MCHR2: variants seen among roughly 807,000 people sequenced by gnomAD.
MCHR2 encodes melanin-concentrating hormone receptor 2.
MCHR2 carries 15 observed loss-of-function variants against 24.8 expected under a neutral mutation model. That is an observed-to-expected ratio of 0.60 (90% CI 0.40 to 0.93). The LOEUF is 0.93. Among genes scored for constraint, MCHR2 ranks in the 40% least tolerant of loss-of-function variants. MCHR2 has a pLI of 0.00. For synonymous variants in MCHR2, 151 were observed against 147.6 expected, an observed-to-expected ratio of 1.02 and a Z score of -0.17; for missense variants, 386 against 408.7, an observed-to-expected ratio of 0.94 and a Z score of 0.48.
intron 1 of MCHR2, among the ~76,000 whole-genome samples, chr6:99,980,961 T>C (rs1467076584): frequency 1.3e-5 from 2 of 152,196 alleles, no homozygotes; most frequent in Non-Finnish European, 2.9e-5. Flanking sequence ...TATTACATAT[T>C]TGAGTGGATG....
At chr6:99,968,740 A>C (rs943854493) in intron 1 of MCHR2, among the ~76,000 whole-genome samples, 2 of 152,150 alleles carry the variant, frequency 1.3e-5, no homozygotes, top group Admixed American at 1.3e-4. Flanking sequence ...TTGTTATAAA[A>C]CAAAGCTCAA....
chr6:99,936,629 C>A (rs1774666817), intron 4 of MCHR2, among the ~76,000 whole-genome samples: 1 of 151,926 alleles, frequency 6.6e-6, no homozygotes, highest in African/African-American at 2.4e-5. Flanking sequence ...AGCATGATGC[C>A]TCTAGCTTTG....
chr6:99,941,240 C>CTTTTT (rs112421841), intron 4 of MCHR2, among the ~76,000 whole-genome samples: 1 of 120,652 alleles, frequency 8.3e-6, no homozygotes, highest in Non-Finnish European at 1.6e-5. Context: ...GGCTTGGAGG[C>CTTTTT]TTTTTTTTTT....
Position 99,955,991 on chromosome 6 carries a change from T to C in MCHR2, c.157A>G (p.Ile53Val). ...CTTATTATAGTGAATACAATGAGGA[T>C]GTTGCCAACCAGCCCTGTTGAACAG... ...IICSTGLVGN[I>V]LIVFTIIRSR... is the part of the protein sequence containing the mutation. Residue 53 changes from isoleucine to valine, a missense_variant, in exon 2 of 6, where the codon ATC becomes GTC. By Grantham distance (29) the Ile-to-Val change is conservative (BLOSUM62 3). Coordinates refer to ENST00000281806, the MANE Select transcript of MCHR2 (RefSeq NM_001040179.2). 1 of 1,607,948 alleles carries C rather than the reference T, an allele frequency of 6.2e-7. No individual in the cohort carries two copies. Among genetic ancestry groups the C allele is most frequent in the Non-Finnish European group, 8.5e-7 (1 of 1,177,818 alleles).
chr6:99,936,322 C>A (rs973902806), intron 4 of MCHR2, among the ~76,000 whole-genome samples: 62 of 151,932 alleles, frequency 4.1e-4, no homozygotes, highest in African/African-American at 1.3e-3. Flanking sequence ...TTGTAGTTTT[C>A]ATAGGTTCAA....
At chr6:99,982,018 C>T (rs958904124) in intron 1 of MCHR2, among the ~76,000 whole-genome samples, 1 of 152,110 alleles carries the variant, frequency 6.6e-6, no homozygotes, top group African/African-American at 2.4e-5. Flanking sequence ...CGACAACTTC[C>T]CACATATCTT....
intron 3 of MCHR2, among the ~76,000 whole-genome samples, chr6:99,945,199 T>A (rs1341372614): frequency 1.3e-5 from 2 of 152,228 alleles, no homozygotes; most frequent in African/African-American, 4.8e-5. Context: ...GGCAGGAGCC[T>A]TGACTATTAG....
chr6:99,943,434 A>G (rs1287905586), intron 3 of MCHR2, among the ~76,000 whole-genome samples: 1 of 151,522 alleles, frequency 6.6e-6, no homozygotes, highest in Non-Finnish European at 1.5e-5. Context: ...TGCTGCACCC[A>G]TTAACTCGTC....
chr6:99,934,386 G>C lies in MCHR2; in HGVS notation c.707+12C>G. ...TTGTTCTTTTAACAAATAAAACAAG[G>C]CAAACACTTACCATCTGGCATCCTT... On this transcript the variant is annotated intron_variant, in intron 5 of 5. Coordinates refer to ENST00000281806, the MANE Select transcript of MCHR2 (RefSeq NM_001040179.2). The C allele has an allele frequency of 6.4e-7, 1 of 1,561,198 alleles. No individual in the cohort carries two copies.
At position 99,985,690 on chromosome 6, in the gene MCHR2, A is replaced by C. The variant is rs531840436; in HGVS notation, c.-28+8246T>G. Among the ~76,000 whole-genome samples the C allele has an allele frequency of 3.3e-5, 5 of 152,300 alleles. No individual in the cohort carries two copies. The East Asian group carries it at 9.6e-4, about 29-fold the overall frequency. On this transcript the variant is annotated intron_variant, in intron 1 of 5. Coordinates refer to ENST00000281806, the MANE Select transcript of MCHR2 (RefSeq NM_001040179.2). ...CAAAAGTTAATGCAAAATTGATTAG[A>C]CTTAAGTGTAAGACCTGAAACTACA...
At chr6:99,946,020 AT>A (rs201335747) in intron 3 of MCHR2, among the ~76,000 whole-genome samples, 3,465 of 144,036 alleles carry the variant, frequency 0.024, 92 homozygotes, top group East Asian at 0.13. Flanking sequence ...ATACCTGTTT[AT>A]TTTTTTTTTT....
At chr6:99,951,071 C>G (rs1374127762) in intron 2 of MCHR2, among the ~76,000 whole-genome samples, 1 of 152,088 alleles carries the variant, frequency 6.6e-6, no homozygotes, top group Admixed American at 6.6e-5. Context: ...CACCAGGCAG[C>G]CCAGACTCCT....
intron 3 of MCHR2, among the ~76,000 whole-genome samples, chr6:99,944,963 C>G (rs1267564111): frequency 1.3e-5 from 2 of 152,128 alleles, no homozygotes; most frequent in African/African-American, 4.8e-5. Context: ...CAGGATCTGC[C>G]TCTGCTTCTT....
At chr6:99,949,050 G>A (rs1774923653) in intron 2 of MCHR2, among the ~76,000 whole-genome samples, 1 of 152,124 alleles carries the variant, frequency 6.6e-6, no homozygotes, top group Non-Finnish European at 1.5e-5. Context: ...ACATTTCTGA[G>A]AGCAGAAATT....
intron 1 of MCHR2, among the ~76,000 whole-genome samples, chr6:99,989,372 G>T (rs6942201): frequency 3.3e-5 from 5 of 151,996 alleles, no homozygotes; most frequent in African/African-American, 1.2e-4. Context: ...CAGATACTGT[G>T]TTAAGTACCT....
At chr6:99,929,390 C>G (rs901422697) in intron 5 of MCHR2, among the ~76,000 whole-genome samples, 2 of 152,090 alleles carry the variant, frequency 1.3e-5, no homozygotes, top group African/African-American at 4.8e-5. Flanking sequence ...TCCTGGGTAT[C>G]CTTGTTAACT....
intron 1 of MCHR2, among the ~76,000 whole-genome samples, chr6:99,982,178 C>T (rs1406429429): frequency 3.9e-5 from 6 of 152,014 alleles, no homozygotes; most frequent in Non-Finnish European, 8.8e-5. Flanking sequence ...GTTATGGCGG[C>T]CTTGTCTCCC....
intron 5 of MCHR2, among the ~76,000 whole-genome samples, chr6:99,927,301 A>T (rs1276213950): frequency 6.6e-6 from 1 of 152,154 alleles, no homozygotes; most frequent in Non-Finnish European, 1.5e-5. Context: ...TTGGCTTAGG[A>T]TTCACTTGGC....
intron 4 of MCHR2, among the ~76,000 whole-genome samples, chr6:99,939,135 C>A (rs1482199077): frequency 6.6e-6 from 1 of 151,928 alleles, no homozygotes; most frequent in Non-Finnish European, 1.5e-5. Flanking sequence ...CTTTATCAAG[C>A]CTCTTGCTGC....
Sources: gnomAD v4.1 joint callset for allele counts (sites outside exome capture counted in the v4.1 genomes callset) on GRCh38, gnomAD v4.1.1 for gene constraint, MANE v1.5 for transcripts, NCBI Gene and HGNC (gene_info 2026-07-23, HGNC 2026-07-21) for gene names.